PTPRE: variants seen among roughly 807,000 people sequenced by gnomAD.
The protein encoded by PTPRE is receptor-type tyrosine-protein phosphatase epsilon.
A neutral mutation model predicts 102.0 loss-of-function variants in PTPRE; 51 were observed. The ratio of observed to expected loss-of-function variants is 0.50; its 90% confidence interval spans 0.40 to 0.63. PTPRE has a LOEUF of 0.63. Among genes scored for constraint, PTPRE ranks in the 30% least tolerant of loss-of-function variants. PTPRE has a pLI of 0.00. For missense variants in PTPRE, 752 were observed against 915.1 expected (o/e 0.82, Z 2.30); for synonymous variants, 345 against 348.2 (o/e 0.99, Z 0.10).
intron 2 of PTPRE, among the ~76,000 whole-genome samples, chr10:128,036,754 G>A (rs538972135): frequency 3.9e-5 from 6 of 152,122 alleles, no homozygotes; most frequent in African/African-American, 1.2e-4. Flanking sequence ...CATTGCCTCC[G>A]GCTTGGTCTT....
intron 2 of PTPRE, among the ~76,000 whole-genome samples, chr10:127,986,297 C>T (rs1280053547): frequency 6.6e-6 from 1 of 152,196 alleles, no homozygotes; most frequent in Non-Finnish European, 1.5e-5. Flanking sequence ...CTGGAGAAAG[C>T]TTGCAACTCT....
At chr10:127,970,034 C>A (rs1313308505) in intron 1 of PTPRE, among the ~76,000 whole-genome samples, 1 of 151,994 alleles carries the variant, frequency 6.6e-6, no homozygotes, top group Non-Finnish European at 1.5e-5. Context: ...GCTGAATGTT[C>A]AAAATGTTGA....
At chr10:127,915,647 C>T (rs1216861672) in intron 1 of PTPRE, among the ~76,000 whole-genome samples, 1 of 152,174 alleles carries the variant, frequency 6.6e-6, no homozygotes, top group African/African-American at 2.4e-5. Context: ...TAATTTTGTA[C>T]TGTGTTGTGC....
At chr10:128,016,635 C>T (rs567160607) in intron 2 of PTPRE, among the ~76,000 whole-genome samples, 17 of 150,738 alleles carry the variant, frequency 1.1e-4, no homozygotes, top group African/African-American at 2.9e-4. Flanking sequence ...CCCAGGTGGC[C>T]GAGATGTGTC....
At chr10:127,936,699 T>C (rs1175954013) in intron 1 of PTPRE, among the ~76,000 whole-genome samples, 1 of 151,830 alleles carries the variant, frequency 6.6e-6, no homozygotes. Context: ...TTACAGAGAG[T>C]CCGTGGGGCT....
chr10:127,981,483 T>A (rs1206991190), intron 1 of PTPRE, among the ~76,000 whole-genome samples: 1 of 150,778 alleles, frequency 6.6e-6, no homozygotes, highest in African/African-American at 2.5e-5. Context: ...TATGTCTCAA[T>A]AAAACTGTTT....
rs141953510 is a variant in PTPRE, at chr10:128,073,344, G to A, written c.1472G>A (p.Arg491Gln). ...YINASFIDGY[R>Q]QKDYFIATQG... is the part of the protein sequence containing the mutation. ...CTGCGCCTCCATTTGAAGGGCTACC[G>A]ACAGAAGGACTATTTCATCGCCACC... The change falls in exon 17 of 21, where the codon CGA becomes CAA. Residue 491 changes from arginine to glutamine, a missense_variant. Transcript: ENST00000254667. 18 of 1,614,134 alleles carry A rather than the reference G, an allele frequency of 1.1e-5. No homozygotes were observed. Among genetic ancestry groups the A allele is most frequent in the Admixed American group, 1.7e-5 (1 of 60,026 alleles).
At chr10:127,917,684 T>C (rs1033833050) in intron 1 of PTPRE, among the ~76,000 whole-genome samples, 1 of 152,016 alleles carries the variant, frequency 6.6e-6, no homozygotes, top group Non-Finnish European at 1.5e-5. Flanking sequence ...TTTTTTATTT[T>C]GAAAATTGGG....
intron 1 of PTPRE, among the ~76,000 whole-genome samples, chr10:127,967,988 T>TGCCTCCCAGGTTGCTCTAA (rs576964204): frequency 8.2e-4 from 124 of 151,888 alleles, no homozygotes; most frequent in Admixed American, 6.8e-3. Context: ...TGGTTTTGAA[T>TGCCTCCCAGGTTGCTCTAA]GCCTCCCAGG....
intron 1 of PTPRE, among the ~76,000 whole-genome samples, chr10:127,913,550 A>C (rs1011810073): frequency 2.6e-5 from 4 of 152,178 alleles, no homozygotes; most frequent in African/African-American, 9.7e-5. Context: ...AGGACTTGGC[A>C]TTGGCATTTT....
intron 6 of PTPRE, among the ~76,000 whole-genome samples, chr10:128,054,145 C>T (rs1261393985): frequency 6.6e-6 from 1 of 152,102 alleles, no homozygotes; most frequent in Non-Finnish European, 1.5e-5. Context: ...CCCATATGCC[C>T]CCTTCCTCCC....
chr10:127,936,795 C>A (rs1194157665), intron 1 of PTPRE, among the ~76,000 whole-genome samples: 2 of 152,288 alleles, frequency 1.3e-5, no homozygotes. Flanking sequence ...ACCCACCCCC[C>A]ACCAGAACCT....
chr10:127,923,480 C>G (rs961859907), intron 1 of PTPRE, among the ~76,000 whole-genome samples: 1 of 150,842 alleles, frequency 6.6e-6, no homozygotes. Flanking sequence ...CTCGGCTCAC[C>G]GCAACCTCTG....
At chr10:128,056,981 C>T (rs1419297010) in intron 7 of PTPRE, among the ~76,000 whole-genome samples, 3 of 151,946 alleles carry the variant, frequency 2.0e-5, no homozygotes, top group Non-Finnish European at 4.4e-5. Flanking sequence ...TCTGGGAGGC[C>T]GAGGCAGGTG....
intron 2 of PTPRE, among the ~76,000 whole-genome samples, chr10:128,002,213 A>G (rs7913574): frequency 0.71 from 107,637 of 152,132 alleles, 38,627 homozygotes; most frequent in African/African-American, 0.84. Flanking sequence ...GAGTATGTGC[A>G]TATTCAGCTG....
chr10:128,037,058 G>A (rs1385202582), intron 2 of PTPRE, among the ~76,000 whole-genome samples: 1 of 152,144 alleles, frequency 6.6e-6, no homozygotes, highest in African/African-American at 2.4e-5. Context: ...CCAGATACTC[G>A]GATTTCTTCC....
chr10:127,909,692 C>A (rs1049573081), intron 1 of PTPRE, among the ~76,000 whole-genome samples: 3 of 152,192 alleles, frequency 2.0e-5, no homozygotes, highest in African/African-American at 7.2e-5. Flanking sequence ...GAAGAGAGGG[C>A]AATACTGTAT....
At chr10:128,046,217 G>A (rs1019897280) in intron 3 of PTPRE, among the ~76,000 whole-genome samples, 1 of 152,210 alleles carries the variant, frequency 6.6e-6, no homozygotes, top group Non-Finnish European at 1.5e-5. Context: ...AGGGTGCAAG[G>A]CGGAAGGCAT....
At chr10:127,965,961 C>T (rs886327986) in intron 1 of PTPRE, among the ~76,000 whole-genome samples, 2 of 152,234 alleles carry the variant, frequency 1.3e-5, no homozygotes, top group African/African-American at 4.8e-5. Context: ...CCGCTGGGGG[C>T]CATGAATGCC....
Sources: gnomAD v4.1 joint callset for allele counts (sites outside exome capture counted in the v4.1 genomes callset) on GRCh38, gnomAD v4.1.1 for gene constraint, MANE v1.5 for transcripts, NCBI Gene and HGNC (gene_info 2026-07-23, HGNC 2026-07-21) for gene names.